The following SLC22A6 variants were observed in gnomAD, a reference collection of about 807,000 sequenced individuals.
SLC22A6 encodes PAH transporter.
In SLC22A6, 45 loss-of-function variants were observed where a neutral mutation model predicts 56.7. The ratio of observed to expected loss-of-function variants is 0.79; its 90% CI spans 0.63 to 1.02. The LOEUF (loss-of-function observed/expected upper bound fraction) is 1.02. SLC22A6 is among the 50% of genes least tolerant of loss of function. SLC22A6 has a pLI of 0.00. For synonymous variants in SLC22A6, 291 were observed against 295.9 expected (o/e 0.98, Z 0.17); for missense variants, 606 against 713.8 (o/e 0.85, Z 1.72).
chr11:62,981,714 G>A (rs976903757), intron 4 of SLC22A6, 128 bp downstream of exon 4: 3 of 908,162 alleles, frequency 3.3e-6, no homozygotes, highest in Admixed American at 5.8e-5. Context: ...TCACACAGAG[G>A]CATTGGACTG....
At position 62,983,644 on chromosome 11, in the gene SLC22A6, A is replaced by C. The variant is rs1242544442; in HGVS notation, c.521T>G (p.Val174Gly). The C allele has an allele frequency of 6.2e-7, 1 of 1,612,572 alleles. No homozygotes were observed. Residue 174 changes from valine to glycine, a missense_variant, in exon 3 of 10, where the codon GTG (valine) becomes GGG (glycine). Val to Gly is a moderately radical substitution (Grantham distance 109). Transcript: ENST00000360421. The surrounding 1 kb of genome is among the most constrained non-coding windows in gnomAD (Gnocchi z 4.5). Reference protein sequence around the residue: ...VLILNYLQTAVSGTCAAFAPN... With the variant: ...VLILNYLQTAGSGTCAAFAPN... ...TGCGAAGGCTGCGCAGGTCCCTGAC[A>C]CAGCTGTCTGCAGGTAGTTCAAGAT... is the stretch of plus-strand genomic sequence containing the variant.
chr11:62,977,406 A>G lies in SLC22A6; in HGVS notation c.1362-19T>C, dbSNP rs1354831646. 2.5e-6 allele frequency: 4 copies of G among 1,599,050 alleles called. No homozygotes were observed. Among genetic ancestry groups the G allele is most frequent in the Non-Finnish European group, 3.4e-6 (4 of 1,176,526 alleles). ...TGTCTGCCTGCAGGGCCCGCAGCAG[A>G]TGGGTGTTGGTTAGAGTTCCAGCAT... On this transcript the variant is annotated intron_variant, in intron 8 of 9. Coordinates refer to ENST00000360421, the MANE Select transcript of SLC22A6 (RefSeq NM_153276.3).
chr11:62,984,779 G>A lies in SLC22A6; in HGVS notation c.-89C>T. 1 of 1,424,000 alleles carries A rather than the reference G, an allele frequency of 7.0e-7. No individual in the cohort carries two copies. The allele number at this position is 1,424,000 out of a possible 1,614,324, so 88.2% of individuals were successfully genotyped here. A position where few individuals can be genotyped will look rare whatever the true frequency, so the allele number is the denominator to read the frequency against. ...TGCCTGCCTGCTGTCCTTCGCTGGA[G>A]GAGCAGCACTGCCGTTGCCTCCGCA... On this transcript the variant is annotated 5_prime_UTR_variant, in exon 1 of 10. Transcript: ENST00000360421.
In SLC22A6 at chr11:62,983,528, ATCTC is replaced by A; in HGVS notation, c.628+5_628+8del. ...GCCGGAGGGGAGTGGGCTGGTAAGA[ATCTC>A]TCACTCAGTGTCATGCAGTTGAGGG... On this transcript the variant is annotated splice_donor_5th_base_variant and intron_variant, in intron 3 of 9. Coordinates refer to ENST00000360421, the MANE Select transcript of SLC22A6 (RefSeq NM_153276.3). This position sits in a 1 kb window ranked among gnomAD's most constrained non-coding sequence, Gnocchi z 4.5. 1 of 1,555,368 alleles carries A rather than the reference ATCTC, an allele frequency of 6.4e-7. No individual in the cohort carries two copies. Among genetic ancestry groups the A allele is most frequent in the Non-Finnish European group, 8.7e-7 (1 of 1,149,646 alleles).
chr11:62,983,379 A>G lies in SLC22A6; in HGVS notation c.628+158T>C, dbSNP rs2086277001. On this transcript the variant is annotated intron_variant, in intron 3 of 9. Coordinates refer to ENST00000360421, the MANE Select transcript of SLC22A6 (RefSeq NM_153276.3). This position sits in a 1 kb window ranked among gnomAD's most constrained non-coding sequence, Gnocchi z 4.5. ...TTTTTAAATGAGGGGTCAGGGCGGC[A>G]TGAGCCTGAGAAAAGGTTGTTCTAT... Among the ~76,000 whole-genome samples, 1 of 152,160 alleles carries G rather than the reference A, an allele frequency of 6.6e-6. No individual in the cohort carries two copies. Among genetic ancestry groups the G allele is most frequent in the African/African-American group, 2.4e-5 (1 of 41,428 alleles).
chr11:62,981,712 A>G, intron 4 of SLC22A6, 130 bp downstream of exon 4: 1 of 899,746 alleles, frequency 1.1e-6, no homozygotes, highest in Non-Finnish European at 1.6e-6. Flanking sequence ...TGTCACACAG[A>G]GGCATTGGAC....
chr11:62,981,872 G>C lies in SLC22A6; in HGVS notation c.767C>G (p.Ala256Gly), dbSNP rs11568624. 2.5e-5 allele frequency: 41 copies of C among 1,613,114 alleles called. No individual in the cohort carries two copies. The highest frequency in any genetic ancestry group is 3.5e-5 in the Non-Finnish European group (41 of 1,179,680). The change falls in exon 4 of 10, where the codon GCG becomes GGG. Residue 256 changes from alanine (A) to glycine (G), a missense_variant. Ala to Gly is a moderately conservative substitution (Grantham distance 60). Coordinates refer to ENST00000360421, the MANE Select transcript of SLC22A6 (RefSeq NM_153276.3). ...HWRHLQLLVS[A>G]PFFAFFIYSW... is the part of the protein sequence containing the mutation. The stretch of plus-strand genomic sequence containing the variant: ...GTAGATGAAGAAGGCAAAAAAAGGC[G>C]CAGAGACCAGTAGCTGCAGGTGGCG...
In SLC22A6 at chr11:62,984,463, C is replaced by A; in HGVS notation, c.228G>T (p.Glu76Asp). 6.2e-7 allele frequency: 1 copy of A among 1,613,952 alleles called. No individual in the cohort carries two copies. The highest frequency in any genetic ancestry group is 8.5e-7 in the Non-Finnish European group (1 of 1,179,984). ...WLPRDRQGQPESCLRFTSPQW... is the reference protein window; with the variant it reads ...WLPRDRQGQPDSCLRFTSPQW... The stretch of plus-strand genomic sequence containing the variant: ...GCGGGGAGGTGAAGCGGAGGCAGGA[C>A]TCAGGCTGCCCCTGCCTGTCCCGGG... The change falls in exon 1 of 10, where the codon GAG (glutamate) becomes GAT (aspartate). Residue 76 changes from glutamate to aspartate, a missense_variant. Physicochemically the swap from Glu to Asp is conservative, Grantham distance 45. Transcript: ENST00000360421.
rs2086289620 is a variant in SLC22A6 at position 62,984,188 on chromosome 11, T to G, written c.369+134A>C. ...CCTTTGCCTCTCTGGTCCTGACAGC[T>G]GAGAGCATTTTTCTTTTTAACTCAG... is the stretch of plus-strand genomic sequence containing the variant. On this transcript the variant is annotated intron_variant, in intron 1 of 9. Coordinates refer to ENST00000360421, the MANE Select transcript of SLC22A6 (RefSeq NM_153276.3). 4 of 1,286,702 alleles carry G rather than the reference T, an allele frequency of 3.1e-6. No individual in the cohort carries two copies. In the East Asian group the frequency reaches 1.0e-4, roughly 32 times the overall value. The allele number at this position is 1,286,702 out of a possible 1,614,324, so 79.7% of individuals were successfully genotyped here. A position where few individuals can be genotyped will look rare whatever the true frequency, so the allele number is the denominator to read the frequency against.
intron 8 of SLC22A6, among the ~76,000 whole-genome samples, chr11:62,978,969 G>A (rs756223162): frequency 2.0e-5 from 3 of 151,964 alleles, no homozygotes; most frequent in Non-Finnish European, 4.4e-5. Context: ...CCACCGTGCC[G>A]GGCCCCCATT....
chr11:62,984,477 G>C lies in SLC22A6; in HGVS notation c.214C>G (p.Gln72Glu). ...GLEVWLPRDR[Q>E]GQPESCLRFT... ...CGGAGGCAGGACTCAGGCTGCCCCT[G>C]CCTGTCCCGGGGCAGCCAGACCTCC... Residue 72 changes from glutamine to glutamate, a missense_variant, in exon 1 of 10, where the codon CAG becomes GAG. By Grantham distance (29) the Gln-to-Glu change is conservative. Transcript: ENST00000360421. 6.2e-7 allele frequency: 1 copy of C among 1,613,930 alleles called. No individual in the cohort carries two copies. Among genetic ancestry groups the C allele is most frequent in the South Asian group, 1.1e-5 (1 of 91,078 alleles).
In SLC22A6 at chr11:62,984,852, G is replaced by A. The variant is rs2086303368; in HGVS notation, c.-162C>T. 14 of 680,996 alleles carry A rather than the reference G, an allele frequency of 2.1e-5. No homozygotes were observed. In the South Asian group the frequency reaches 2.5e-4, roughly 12 times the overall value. 42.2% of individuals were successfully genotyped at this position (680,996 alleles called of 1,614,324 possible). A position where few individuals can be genotyped will look rare whatever the true frequency, so the allele number is the denominator to read the frequency against. ...GTCCGAGCTGCTCTGTGGGGGGACA[G>A]CAGCCTCCTTGGCTGCTCCTCCTTC... On this transcript the variant is annotated 5_prime_UTR_variant, in exon 1 of 10. Transcript: ENST00000360421.
chr11:62,979,881 G>A lies in SLC22A6; in HGVS notation c.1105C>T (p.Leu369=), dbSNP rs146915707. 6.2e-7 allele frequency: 1 copy of A among 1,614,168 alleles called. No individual in the cohort carries two copies. Among genetic ancestry groups the A allele is most frequent in the Non-Finnish European group, 8.5e-7 (1 of 1,180,006 alleles). ...DLQGFGVSIY[L]IQVIFGAVDL... ...ACAGCACCAAAGATCACCTGGATTA[G>A]GTAGATGCTGACTCCAAAGCCCTGC... Residue 369 remains leucine (L), a synonymous_variant, in exon 7 of 10, where the codon CTA becomes TTA. Transcript: ENST00000360421.
chr11:62,978,828 G>T (rs994606995), intron 8 of SLC22A6, among the ~76,000 whole-genome samples: 7 of 152,210 alleles, frequency 4.6e-5, no homozygotes, highest in Admixed American at 1.3e-4. Context: ...CTGACCTCGT[G>T]ATCTGCCTGC....
chr11:62,984,658 C>T lies in SLC22A6; in HGVS notation c.33G>A (p.Gly11=). MAFNDLLQQV[G]GVGRFQQIQV... ...GGATCTGCTGGAAGCGGCCGACACC[C>T]CCCACCTGCTGCAGGAGGTCATTAA... is the stretch of plus-strand genomic sequence containing the variant. The change falls in exon 1 of 10, where the codon GGG becomes GGA. Residue 11 remains glycine, a synonymous_variant. Coordinates refer to ENST00000360421, the MANE Select transcript of SLC22A6 (RefSeq NM_153276.3). The T allele has an allele frequency of 6.2e-7, 1 of 1,613,672 alleles. No homozygotes were observed.
Position 62,983,759 on chromosome 11 carries a change from G to A in SLC22A6, c.474-68C>T. 1.3e-6 allele frequency: 2 copies of A among 1,483,430 alleles called. No individual in the cohort carries two copies. Among genetic ancestry groups the A allele is most frequent in the Non-Finnish European group, 1.8e-6 (2 of 1,095,472 alleles). The allele number at this position is 1,483,430 out of a possible 1,614,324, so 91.9% of individuals were successfully genotyped here. A position where few individuals can be genotyped will look rare whatever the true frequency, so the allele number is the denominator to read the frequency against. On this transcript the variant is annotated intron_variant, in intron 2 of 9. Transcript: ENST00000360421. This position sits in a 1 kb window ranked among gnomAD's most constrained non-coding sequence, Gnocchi z 4.5. ...ATGGGGGTCAGGCTGAGCCAGGAGA[G>A]GAGGGCTCACCCTGGATGATGCCTG...
chr11:62,980,011 A>G, intron 6 of SLC22A6, 63 bp from the exon 7 acceptor site: 1 of 1,191,376 alleles, frequency 8.4e-7, no homozygotes, highest in Non-Finnish European at 1.2e-6. Context: ...GTGCTCTTTC[A>G]AAACAGTGGG....
chr11:62,983,871 C>G lies in SLC22A6; in HGVS notation c.473+73G>C, dbSNP rs2086284947. The G allele has an allele frequency of 5.5e-6, 7 of 1,273,472 alleles. No individual in the cohort carries two copies. The highest frequency in any genetic ancestry group is 1.5e-5 in the African/African-American group (1 of 66,968). 78.9% of individuals were successfully genotyped at this position (1,273,472 alleles called of 1,614,324 possible). A position where few individuals can be genotyped will look rare whatever the true frequency, so the allele number is the denominator to read the frequency against. On this transcript the variant is annotated intron_variant, in intron 2 of 9. Coordinates refer to ENST00000360421, the MANE Select transcript of SLC22A6 (RefSeq NM_153276.3). This position sits in a 1 kb window ranked among gnomAD's most constrained non-coding sequence, Gnocchi z 4.5. ...GCCGGCTGGCAATGCCAAGCTCCCA[C>G]CTAGACACCCTGAGCCCAGCTGAGC...
chr11:62,978,514 AT>A, intron 8 of SLC22A6, among the ~76,000 whole-genome samples: 1 of 148,348 alleles, frequency 6.7e-6, no homozygotes, highest in East Asian at 2.0e-4. Flanking sequence ...TGCCCAGCTA[AT>A]TTTTGTATTT....
Sources: allele counts gnomAD v4.1 joint callset (sites outside exome capture counted in the v4.1 genomes callset), GRCh38; gene constraint gnomAD v4.1.1; non-coding constraint Gnocchi (gnomAD v3.1); transcripts MANE v1.5; gene names NCBI Gene and HGNC (gene_info 2026-07-23, HGNC 2026-07-21).